MTBP: variants seen among roughly 807,000 people sequenced by gnomAD.
MTBP encodes mdm2-binding protein.
Under a neutral mutation model 117.0 loss-of-function variants are expected in MTBP, and 101 were observed. The ratio of observed to expected loss-of-function variants is 0.86; its 90% CI spans 0.73 to 1.02. The LOEUF (loss-of-function observed/expected upper bound fraction) is 1.02, where lower values mean the gene tolerates loss of function less well. Among genes scored for constraint, MTBP ranks in the 50% least tolerant of loss-of-function variants. The probability of loss-of-function intolerance (pLI) is 0.00; values close to 1 mark genes in which losing one functional copy is unlikely to be tolerated. For synonymous variants in MTBP, 350 were observed against 351.5 expected (o/e 1.00, Z 0.05); for missense variants, 970 against 1,030.9 (o/e 0.94, Z 0.81).
Position 120,455,685 on chromosome 8 carries a change from C to T in MTBP, c.629+106C>T, listed in dbSNP as rs139373380. 930 of 1,109,030 alleles carry T rather than the reference C, an allele frequency of 8.4e-4. 5 individuals carry two copies. In the African/African-American group the frequency reaches 0.014, roughly 16 times the overall value. The allele number at this position is 1,109,030 out of a possible 1,614,324, so 68.7% of individuals were successfully genotyped here. On this transcript the variant is annotated intron_variant, in intron 6 of 21. Coordinates refer to ENST00000305949, the MANE Select transcript of MTBP (RefSeq NM_022045.5). ...GCGTTTGAAAATTATTTTAATATGA[C>T]AACATAAAATTCTATGTTATACCAT...
chr8:120,461,112 CTTTTG>C (rs1341084446), intron 8 of MTBP, 44 bp from the exon 9 acceptor site: 2 of 1,349,910 alleles, frequency 1.5e-6, no homozygotes, highest in Admixed American at 3.6e-5. Flanking sequence ...AATTTGTTTA[CTTTTG>C]TTTATGGTAT....
At chr8:120,460,963 G>A (rs1384147946) in intron 8 of MTBP, among the ~76,000 whole-genome samples, 198 bp from the exon 9 acceptor site, 1 of 152,082 alleles carries the variant, frequency 6.6e-6, no homozygotes, top group Non-Finnish European at 1.5e-5. Context: ...TGATCTCCAT[G>A]TCTGTTTCTG....
At chr8:120,480,700 T>A (rs1050193135) in intron 11 of MTBP, among the ~76,000 whole-genome samples, 51 of 152,110 alleles carry the variant, frequency 3.4e-4, no homozygotes, top group African/African-American at 1.2e-3. Flanking sequence ...TATATATTTA[T>A]ATATGTATTT....
chr8:120,468,577 A>T (rs1813748216), intron 10 of MTBP, among the ~76,000 whole-genome samples: 1 of 152,174 alleles, frequency 6.6e-6, no homozygotes, highest in Non-Finnish European at 1.5e-5. Context: ...AATATGATGG[A>T]TGAGGCAAAA....
intron 13 of MTBP, among the ~76,000 whole-genome samples, chr8:120,491,964 A>G (rs1814355542): frequency 1.3e-5 from 2 of 152,160 alleles, no homozygotes; most frequent in African/African-American, 4.8e-5. Context: ...GAAAAGTTCA[A>G]CAGAGTTGGT....
intron 11 of MTBP, 114 bp from the exon 12 acceptor site, chr8:120,488,045 A>G: frequency 1.3e-6 from 1 of 778,808 alleles, no homozygotes; most frequent in South Asian, 2.8e-5. Context: ...ATGTATTAAC[A>G]GCTTGTTTTA....
At position 120,470,932 on chromosome 8, in the gene MTBP, T is replaced by C; in HGVS notation, c.1160T>C (p.Ile387Thr). Residue 387 changes from isoleucine (I) to threonine (T), a missense_variant, in exon 11 of 22, where the codon ATC becomes ACC. By Grantham distance (89) the Ile-to-Thr change is moderately conservative. Transcript: ENST00000305949. ...KEYIAKKPKT[I>T]SVPDVEVKGE... Reference sequence around the variant, plus strand: ...TATATAGCTAAAAAGCCTAAAACAATCAGTGGTAAGTATTACATGTTTCGG... The same window carrying C: ...TATATAGCTAAAAAGCCTAAAACAACCAGTGGTAAGTATTACATGTTTCGG... 1 of 1,574,660 alleles carries C rather than the reference T, an allele frequency of 6.4e-7. No homozygotes were observed. Among genetic ancestry groups the C allele is most frequent in the Non-Finnish European group, 8.7e-7 (1 of 1,145,470 alleles).
chr8:120,478,020 T>C (rs1433867532), intron 11 of MTBP, among the ~76,000 whole-genome samples: 1 of 152,158 alleles, frequency 6.6e-6, no homozygotes, highest in Non-Finnish European at 1.5e-5. Flanking sequence ...CCATCAATGA[T>C]AGACTGGATA....
At chr8:120,513,743 T>C (rs915651756) in intron 17 of MTBP, among the ~76,000 whole-genome samples, 1 of 152,146 alleles carries the variant, frequency 6.6e-6, no homozygotes, top group African/African-American at 2.4e-5. Flanking sequence ...GTATTCAAGC[T>C]CATCAGGCAT....
At chr8:120,453,693 C>A (rs1180245625) in intron 4 of MTBP, among the ~76,000 whole-genome samples, 154 bp from the exon 5 acceptor site, 1 of 151,402 alleles carries the variant, frequency 6.6e-6, no homozygotes, top group Non-Finnish European at 1.5e-5. Context: ...TATAGTAGTA[C>A]CTCCTGGAAT....
chr8:120,503,178 AT>A lies in MTBP; in HGVS notation c.1727+574del, dbSNP rs1163808588. Among the ~76,000 whole-genome samples, 7 of 152,226 alleles carry A rather than the reference AT, an allele frequency of 4.6e-5. No individual in the cohort carries two copies. The East Asian group carries it at 1.4e-3, about 29-fold the overall frequency. Reference sequence around the variant, plus strand: ...CCGAAATATTACAAATCACATTTTTATTTTTAGCTTCTCCATGGGTAGTATT... The same window carrying A: ...CCGAAATATTACAAATCACATTTTTATTTTAGCTTCTCCATGGGTAGTATT... On this transcript the variant is annotated intron_variant, in intron 15 of 21. Coordinates refer to ENST00000305949, the MANE Select transcript of MTBP (RefSeq NM_022045.5).
chr8:120,502,904 A>G (rs771895325), intron 15 of MTBP, among the ~76,000 whole-genome samples: 1 of 152,224 alleles, frequency 6.6e-6, no homozygotes, highest in Non-Finnish European at 1.5e-5. Context: ...ATGAAGATAT[A>G]AGAAAATCTT....
intron 13 of MTBP, among the ~76,000 whole-genome samples, chr8:120,493,524 T>C (rs1324934477): frequency 6.6e-6 from 1 of 151,758 alleles, no homozygotes; most frequent in Non-Finnish European, 1.5e-5. Flanking sequence ...AGAATTTTGC[T>C]CTGTCACCCA....
chr8:120,490,547 T>C lies in MTBP; in HGVS notation c.1424T>C (p.Val475Ala), dbSNP rs1484414579. ...GAGAAACAGTTAGCTAATGTTCAAG[T>C]TTTAGCTTTGGAAGAATGCCTAAGT... ...QREKQLANVQ[V>A]LALEECLKRR... The change falls in exon 13 of 22, where the codon GTT becomes GCT. Residue 475 changes from valine (V) to alanine (A), a missense_variant. Val to Ala is a moderately conservative substitution (Grantham distance 64, BLOSUM62 0). Coordinates refer to ENST00000305949, the MANE Select transcript of MTBP (RefSeq NM_022045.5). 6.2e-7 allele frequency: 1 copy of C among 1,603,996 alleles called. No individual in the cohort carries two copies.
At chr8:120,489,911 A>G (rs1586959468) in intron 12 of MTBP, among the ~76,000 whole-genome samples, 1 of 152,314 alleles carries the variant, frequency 6.6e-6, no homozygotes, top group African/African-American at 2.4e-5. Context: ...GACAGAGGAA[A>G]AAAACCCAAG....
chr8:120,506,770 A>G lies in MTBP; in HGVS notation c.1792A>G (p.Ile598Val), dbSNP rs547162088. 7.4e-6 allele frequency: 12 copies of G among 1,613,652 alleles called. No homozygotes were observed. Among genetic ancestry groups the G allele is most frequent in the Middle Eastern group, 1.6e-4 (1 of 6,062 alleles). ...CCACAAAGAGGGTCCTCGGGACTCA[A>G]TCACATTGTTGGATGCTAAAGAATT... The part of the protein sequence containing the change: ...LGHKEGPRDS[I>V]TLLDAKELLK... The change falls in exon 16 of 22, where the codon ATC (isoleucine) becomes GTC (valine). Residue 598 changes from isoleucine to valine, a missense_variant. Coordinates refer to ENST00000305949, the MANE Select transcript of MTBP (RefSeq NM_022045.5).
chr8:120,450,779 T>C (rs555602208), intron 2 of MTBP, among the ~76,000 whole-genome samples: 4 of 152,310 alleles, frequency 2.6e-5, no homozygotes, highest in African/African-American at 9.6e-5. Flanking sequence ...TTCTGAATTG[T>C]GACAAATGAA....
chr8:120,481,821 A>G (rs761488669), intron 11 of MTBP, among the ~76,000 whole-genome samples: 4 of 152,172 alleles, frequency 2.6e-5, no homozygotes, highest in African/African-American at 4.8e-5. Context: ...TTTTATAAGG[A>G]TCACTTTTTG....
rs1329209719 is a variant in MTBP, at chr8:120,490,517, A to G, written c.1394A>G (p.Gln465Arg). 2 of 1,609,406 alleles carry G rather than the reference A, an allele frequency of 1.2e-6. No homozygotes were observed. The highest frequency in any genetic ancestry group is 2.2e-5 in the South Asian group (2 of 89,464). The change falls in exon 13 of 22, where the codon CAG becomes CGG. Residue 465 changes from glutamine (Q) to arginine (R), a missense_variant. Physicochemically the swap from Gln to Arg is conservative, Grantham distance 43 (BLOSUM62 1). Transcript: ENST00000305949. The stretch of plus-strand genomic sequence containing the variant: ...CATTTTTCTGGGGAGCAGATTGTAC[A>G]GAGAGAGAAACAGTTAGCTAATGTT... ...LPHFSGEQIV[Q>R]REKQLANVQV...
Sources: gnomAD v4.1 joint callset for allele counts (sites outside exome capture counted in the v4.1 genomes callset) on GRCh38, gnomAD v4.1.1 for gene constraint, MANE v1.5 for transcripts, NCBI Gene and HGNC (gene_info 2026-07-23, HGNC 2026-07-21) for gene names.